Variants in CMTM4 observed in about 807,000 individuals in gnomAD.
CMTM4 encodes the protein CKLF-like MARVEL transmembrane domain-containing protein 4.
In CMTM4, 8 loss-of-function variants were observed where a neutral mutation model predicts 19.0. The observed-to-expected ratio is 0.42, with a 90% CI of 0.25 to 0.76. CMTM4 has a LOEUF of 0.76. Ranked by LOEUF, CMTM4 falls within the 30% of genes least tolerant of loss-of-function variation. CMTM4 has a pLI of 0.27. For synonymous variants in CMTM4, 106 were observed against 121.1 expected (o/e 0.88, Z 0.82); for missense variants, 228 against 290.2 (o/e 0.79, Z 1.56).
intron 2 of CMTM4, among the ~76,000 whole-genome samples, chr16:66,633,322 C>G (rs896202344): frequency 2.0e-5 from 3 of 151,774 alleles, no homozygotes; most frequent in African/African-American, 7.3e-5. Flanking sequence ...GTTTTTAAAT[C>G]TATACCAATC....
intron 1 of CMTM4, among the ~76,000 whole-genome samples, chr16:66,653,039 T>C (rs1272362810): frequency 6.6e-6 from 1 of 152,186 alleles, no homozygotes; most frequent in African/African-American, 2.4e-5. Context: ...GATCTTCTTT[T>C]CCCCTTTACT....
intron 1 of CMTM4, among the ~76,000 whole-genome samples, chr16:66,637,413 G>A (rs1008291466): frequency 2.6e-5 from 4 of 152,004 alleles, no homozygotes; most frequent in African/African-American, 9.7e-5. Flanking sequence ...GTGTGGTGGC[G>A]CATGCTTGTA....
intron 1 of CMTM4, among the ~76,000 whole-genome samples, chr16:66,679,793 C>T (rs946052183): frequency 4.4e-4 from 65 of 148,934 alleles, no homozygotes; most frequent in Non-Finnish European, 1.0e-4. Flanking sequence ...CACTGCACTC[C>T]AGCCTGGGTG....
chr16:66,613,611 T>C (rs1224536705), downstream of CMTM4: 1 of 154,210 alleles, frequency 6.5e-6, no homozygotes, highest in African/African-American at 2.4e-5. Context: ...TCTTAACAGA[T>C]GGCATTTTCT....
intron 1 of CMTM4, among the ~76,000 whole-genome samples, chr16:66,657,715 T>C (rs936411326): frequency 2.6e-5 from 4 of 152,174 alleles, no homozygotes; most frequent in Non-Finnish European, 2.9e-5. Flanking sequence ...TCTGTAAAAA[T>C]CCACGAGTTT....
At chr16:66,613,096 C>T, downstream of CMTM4, 1 of 703,036 alleles carries the variant, frequency 1.4e-6, no homozygotes. Flanking sequence ...GGTGCTCCTG[C>T]CCACACCAGC....
chr16:66,696,676 G>A lies in CMTM4; in HGVS notation c.-151C>T, dbSNP rs2017245356. 2 of 243,150 alleles carry A rather than the reference G, an allele frequency of 8.2e-6. No homozygotes were observed. The highest frequency in any genetic ancestry group is 1.3e-5 in the Non-Finnish European group (2 of 153,696). The allele number at this position is 243,150 out of a possible 1,614,324, so 15.1% of individuals were successfully genotyped here. The stretch of plus-strand genomic sequence containing the variant: ...CGCCCGCCGCCGCCGCCTCTCGCCC[G>A]CCGCCCGGCTGCGGCTGCGGCTCGG... On this transcript the variant is annotated 5_prime_UTR_variant, in exon 1 of 4. Transcript: ENST00000394106. The surrounding 1 kb of genome is among the most constrained non-coding windows in gnomAD (Gnocchi z 4.3).
In CMTM4 at chr16:66,621,197, A is replaced by C. The variant is rs527724147; in HGVS notation, c.*861T>G. 1.8e-5 allele frequency: 18 copies of C among 985,016 alleles called. No homozygotes were observed. In the East Asian group the frequency reaches 1.8e-3, roughly 101 times the overall value. The allele number at this position is 985,016 out of a possible 1,614,324, so 61.0% of individuals were successfully genotyped here. A position where few individuals can be genotyped will look rare whatever the true frequency, so the allele number is the denominator to read the frequency against. On this transcript the variant is annotated 3_prime_UTR_variant, in exon 4 of 4. Coordinates refer to ENST00000394106, the MANE Select transcript of CMTM4 (RefSeq NM_181521.3). ...GCGTGTGCATGCTGTTTTTTAACACAAACACCTCCCACCTGCGGTTCATGA... is the reference window on the plus strand; with the variant it reads ...GCGTGTGCATGCTGTTTTTTAACACCAACACCTCCCACCTGCGGTTCATGA...
intron 1 of CMTM4, among the ~76,000 whole-genome samples, chr16:66,640,519 G>A (rs1183292543): frequency 1.3e-5 from 2 of 152,120 alleles, no homozygotes; most frequent in Non-Finnish European, 2.9e-5. Context: ...TGGGTGCAGT[G>A]AGGTATGCGG....
the CMTM4 span, chr16:66,608,326 T>C: frequency 1.2e-5 from 19 of 1,614,206 alleles, no homozygotes; most frequent in Non-Finnish European, 1.6e-5. This position sits in a 1 kb window ranked among gnomAD's most constrained non-coding sequence, Gnocchi z 5.1. Flanking sequence ...CATTCATCAC[T>C]TTTATCTGCT....
intron 2 of CMTM4, among the ~76,000 whole-genome samples, chr16:66,626,907 C>A (rs2015751681): frequency 6.6e-6 from 1 of 151,990 alleles, no homozygotes. Context: ...CGAGACCAGC[C>A]TGGGCAACAC....
chr16:66,655,545 GTT>G (rs58605837), intron 1 of CMTM4, among the ~76,000 whole-genome samples: 4 of 138,482 alleles, frequency 2.9e-5, no homozygotes, highest in Admixed American at 1.4e-4. Context: ...GTGTGTGTGT[GTT>G]TATTTATGTG....
intron 1 of CMTM4, among the ~76,000 whole-genome samples, chr16:66,670,898 G>A (rs1042605563): frequency 1.3e-5 from 2 of 151,980 alleles, no homozygotes; most frequent in African/African-American, 4.8e-5. Flanking sequence ...ATTTTTACAA[G>A]TATGCGCATG....
At chr16:66,693,228 G>GA (rs1183552278) in intron 1 of CMTM4, among the ~76,000 whole-genome samples, 17 of 148,384 alleles carry the variant, frequency 1.1e-4, no homozygotes, top group Middle Eastern at 3.4e-3. Context: ...CTAACACAAA[G>GA]AAAAAAAAAA....
At chr16:66,601,007 G>A in the CMTM4 span, among the ~76,000 whole-genome samples, 6 of 152,154 alleles carry the variant, frequency 3.9e-5, no homozygotes, top group African/African-American at 1.4e-4. Flanking sequence ...GGGAGAGGCA[G>A]GGGAGGGAAG....
the CMTM4 span, among the ~76,000 whole-genome samples, chr16:66,603,373 T>C: frequency 1.4e-4 from 22 of 152,148 alleles, 1 homozygote; most frequent in South Asian, 4.6e-3. Context: ...CTGCAACCTA[T>C]GCCTCCCGGG....
intron 1 of CMTM4, among the ~76,000 whole-genome samples, chr16:66,664,233 CAA>C (rs748462311): frequency 1.4e-4 from 9 of 64,918 alleles, no homozygotes; most frequent in Admixed American, 1.7e-4. Context: ...GACTCCGTCT[CAA>C]AAAAAAAAAA....
chr16:66,653,843 C>T (rs1232858795), intron 1 of CMTM4, among the ~76,000 whole-genome samples: 1 of 152,082 alleles, frequency 6.6e-6, no homozygotes, highest in Admixed American at 6.6e-5. Context: ...AAGCAATTCT[C>T]CCTGCCTCAG....
At chr16:66,670,185 G>A (rs1366256469) in intron 1 of CMTM4, among the ~76,000 whole-genome samples, 2 of 151,664 alleles carry the variant, frequency 1.3e-5, no homozygotes, top group African/African-American at 2.4e-5. Flanking sequence ...GATGGCTCAC[G>A]CCTGTAATCC....
Sources: gnomAD v4.1 joint callset for allele counts (sites outside exome capture counted in the v4.1 genomes callset) on GRCh38, gnomAD v4.1.1 for gene constraint, Gnocchi (gnomAD v3.1) non-coding constraint, MANE v1.5 for transcripts, NCBI Gene and HGNC (gene_info 2026-07-23, HGNC 2026-07-21) for gene names.